ABCC11: variants seen among roughly 807,000 people sequenced by gnomAD.
The protein encoded by ABCC11 is ATP binding cassette subfamily C member 11.
Under a neutral mutation model 149.3 loss-of-function variants are expected in ABCC11, and 135 were observed. The observed-to-expected ratio is 0.90, with a 90% CI of 0.79 to 1.04. The LOEUF (loss-of-function observed/expected upper bound fraction) is 1.04. ABCC11 is among the 50% of genes least tolerant of loss of function. The pLI, the probability that ABCC11 is intolerant of heterozygous loss-of-function variation, is 0.00. For missense variants in ABCC11, 1,680 were observed against 1,722.1 expected (o/e 0.98, Z 0.43); for synonymous variants, 665 against 671.4 (o/e 0.99, Z 0.15).
intron 9 of ABCC11, among the ~76,000 whole-genome samples, chr16:48,214,125 CTTCT>C (rs750172339): frequency 9.2e-5 from 14 of 152,116 alleles, no homozygotes; most frequent in Non-Finnish European, 1.9e-4. Flanking sequence ...CCCATCTCTC[CTTCT>C]TTCTTCTCCT....
chr16:48,173,867 T>C, intron 26 of ABCC11, among the ~76,000 whole-genome samples: 1 of 152,202 alleles, frequency 6.6e-6, no homozygotes, highest in East Asian at 1.9e-4. Flanking sequence ...TCAAGTGATC[T>C]CCCTGCCTTG....
At chr16:48,175,002 G>C in intron 26 of ABCC11, among the ~76,000 whole-genome samples, 1 of 152,130 alleles carries the variant, frequency 6.6e-6, no homozygotes, top group South Asian at 2.1e-4. Context: ...ATGCCATCCA[G>C]TTTCTAAAAA....
intron 13 of ABCC11, among the ~76,000 whole-genome samples, chr16:48,203,666 G>C (rs1481603005): frequency 1.3e-5 from 2 of 152,096 alleles, no homozygotes; most frequent in Non-Finnish European, 2.9e-5. Flanking sequence ...TCAGGAGTTC[G>C]AGACCAGCTT....
intron 1 of ABCC11, among the ~76,000 whole-genome samples, chr16:48,234,676 T>C (rs1247643138): frequency 6.6e-6 from 1 of 152,122 alleles, no homozygotes; most frequent in Non-Finnish European, 1.5e-5. Flanking sequence ...AGAAGTGTCA[T>C]AGTGGACAAC....
Position 48,210,994 on chromosome 16 carries a change from T to C in ABCC11, c.1562A>G (p.Asn521Ser). The change falls in exon 11 of 30, where the codon AAC (asparagine) becomes AGC (serine). Residue 521 changes from asparagine to serine, a missense_variant. Physicochemically the swap from Asn to Ser is conservative, Grantham distance 46 (BLOSUM62 1). Coordinates refer to ENST00000356608, the MANE Select transcript of ABCC11 (RefSeq NM_001370497.1). ...CTTGTGCAACTCTGGGCCCAGGCTG[T>C]TCCCTTCTTCCTCTGGCCCGAGGGC... Reference protein sequence around the residue: ...RDALGPEEEGNSLGPELHKIN... With the variant: ...RDALGPEEEGSSLGPELHKIN... The C allele has an allele frequency of 6.2e-7, 1 of 1,614,052 alleles. No homozygotes were observed. Among genetic ancestry groups the C allele is most frequent in the East Asian group, 2.2e-5 (1 of 44,890 alleles).
Position 48,224,320 on chromosome 16 carries a change from G to A in ABCC11, c.505C>T (p.Leu169=). 6.2e-7 allele frequency: 1 copy of A among 1,614,202 alleles called. No homozygotes were observed. Among genetic ancestry groups the A allele is most frequent in the South Asian group, 1.1e-5 (1 of 91,090 alleles). The change falls in exon 5 of 30, where the codon CTG becomes TTG. Residue 169 remains leucine, a synonymous_variant. Coordinates refer to ENST00000356608, the MANE Select transcript of ABCC11 (RefSeq NM_001370497.1). ...CTGGCAATGCAGAAGCAGATGCCCA[G>A]AAGTGCATCGAAAATCAACCTTGTT... ...QRTRLIFDAL[L]GICFCIASVL...
At chr16:48,232,810 G>A (rs1324460512) in intron 1 of ABCC11, among the ~76,000 whole-genome samples, 1 of 152,192 alleles carries the variant, frequency 6.6e-6, no homozygotes, top group Non-Finnish European at 1.5e-5. Flanking sequence ...TAATAAATTT[G>A]AACAAGAAGA....
At position 48,244,217 on chromosome 16, in the gene ABCC11, T is replaced by G. The variant is rs980742563; in HGVS notation, c.-19+3097A>C. 5.3e-5 allele frequency: 28 copies of G among 525,158 alleles called. 1 individual carries two copies. The highest frequency in any genetic ancestry group is 3.5e-4 in the South Asian group (13 of 37,240). The allele number at this position is 525,158 out of a possible 1,614,324, so 32.5% of individuals were successfully genotyped here. ...GGACGCTCAAGTCTTACCGGGAGGCTCTCCTAGAGAGCAGCGCGAAGCCAT... is the reference window on the plus strand; with the variant it reads ...GGACGCTCAAGTCTTACCGGGAGGCGCTCCTAGAGAGCAGCGCGAAGCCAT... On this transcript the variant is annotated intron_variant, in intron 1 of 29. Transcript: ENST00000356608.
At chr16:48,199,394 T>C (rs900260689) in intron 15 of ABCC11, among the ~76,000 whole-genome samples, 1 of 151,224 alleles carries the variant, frequency 6.6e-6, no homozygotes, top group African/African-American at 2.4e-5. Flanking sequence ...TTAAATATTT[T>C]ATACCAAAAA....
chr16:48,172,345 G>T (rs1413338697), intron 26 of ABCC11, among the ~76,000 whole-genome samples: 1 of 152,086 alleles, frequency 6.6e-6, no homozygotes, highest in African/African-American at 2.4e-5. Context: ...GTACACATAT[G>T]GGTTGAAGTC....
At chr16:48,201,474 CT>C (rs560323114) in intron 14 of ABCC11, among the ~76,000 whole-genome samples, 22,984 of 122,988 alleles carry the variant, frequency 0.19, 1,363 homozygotes, top group Middle Eastern at 0.3. Context: ...TTTTCTTTTT[CT>C]TTTTTTTTTT....
rs535775190 is a variant in ABCC11, at chr16:48,217,755, T to A, written c.778-1468A>T. On this transcript the variant is annotated intron_variant, in intron 6 of 29. Coordinates refer to ENST00000356608, the MANE Select transcript of ABCC11 (RefSeq NM_001370497.1). ...TTCCAGTTTCCAGGACATGCCCTAGTGGGAGCCTTTAAAACATTTAAAAGT... is the reference window on the plus strand; with the variant it reads ...TTCCAGTTTCCAGGACATGCCCTAGAGGGAGCCTTTAAAACATTTAAAAGT... 4.7e-4 allele frequency among the ~76,000 whole-genome samples: 71 copies of A among 152,316 alleles called. No individual in the cohort carries two copies. In the Middle Eastern group the frequency reaches 0.014, roughly 29 times the overall value.
At chr16:48,208,041 CT>C (rs57987133) in intron 12 of ABCC11, among the ~76,000 whole-genome samples, 27 of 148,826 alleles carry the variant, frequency 1.8e-4, no homozygotes, top group East Asian at 9.8e-4. Context: ...TTTTTATGCT[CT>C]TTTTTTTTTA....
intron 1 of ABCC11, among the ~76,000 whole-genome samples, chr16:48,241,499 C>T (rs1244953168): frequency 6.6e-6 from 1 of 152,134 alleles, no homozygotes; most frequent in Non-Finnish European, 1.5e-5. Flanking sequence ...AATGCCATCC[C>T]CATCAAGCTA....
Position 48,227,906 on chromosome 16 carries a change from A to G in ABCC11, c.295T>C (p.Trp99Arg), listed in dbSNP as rs138074011. Residue 99 changes from tryptophan to arginine, a missense_variant, in exon 4 of 30, where the codon TGG becomes CGG. By Grantham distance (101) the Trp-to-Arg change is moderately radical. Transcript: ENST00000356608. The stretch of plus-strand genomic sequence containing the variant: ...CTTTGGATCATGAGCGGGGTGAGCC[A>G]TGACACGGTGAGGTAGGAGAACAGG... ...AGLFSYLTVS[W>R]LTPLMIQSLR... 2 of 1,614,018 alleles carry G rather than the reference A, an allele frequency of 1.2e-6. No homozygotes were observed. Among genetic ancestry groups the G allele is most frequent in the Non-Finnish European group, 1.7e-6 (2 of 1,180,018 alleles).
chr16:48,170,482 G>A (rs1965645577), intron 27 of ABCC11, among the ~76,000 whole-genome samples: 1 of 152,156 alleles, frequency 6.6e-6, no homozygotes, highest in African/African-American at 2.4e-5. Context: ...GCTGCCACCT[G>A]TTTAAAGAGA....
chr16:48,167,591 G>A lies in ABCC11; in HGVS notation c.3961C>T (p.Arg1321Cys), dbSNP rs751630465. The change falls in exon 29 of 30, where the codon CGT (arginine) becomes TGT (cysteine). Residue 1321 changes from arginine to cysteine, a missense_variant. By Grantham distance (180) the Arg-to-Cys change is radical. Transcript: ENST00000356608. ...ACGGTGCAGCCCTGGAAGGCTTCAC[G>A]GATTGTGCGCTGGATCAGGGTGTCT... ...ETDTLIQRTI[R>C]EAFQGCTVLV... is the part of the protein sequence containing the mutation. The A allele has an allele frequency of 1.7e-5, 28 of 1,612,320 alleles. No homozygotes were observed. Among genetic ancestry groups the A allele is most frequent in the East Asian group, 1.3e-4 (6 of 44,716 alleles).
At chr16:48,229,416 A>G (rs958153832) in intron 3 of ABCC11, among the ~76,000 whole-genome samples, 6 of 152,042 alleles carry the variant, frequency 3.9e-5, no homozygotes, top group Non-Finnish European at 7.4e-5. Flanking sequence ...AACATGTTGG[A>G]AATCAACTTG....
In ABCC11 at chr16:48,241,537, A is replaced by G. The variant is rs529760673; in HGVS notation, c.-19+5777T>C. Among the ~76,000 whole-genome samples, 3 of 152,364 alleles carry G rather than the reference A, an allele frequency of 2.0e-5. No homozygotes were observed. In the South Asian group the frequency reaches 6.2e-4, roughly 32 times the overall value. On this transcript the variant is annotated intron_variant, in intron 1 of 29. Coordinates refer to ENST00000356608, the MANE Select transcript of ABCC11 (RefSeq NM_001370497.1). ...AATGACTTTCTTCACAGAATTGGAA[A>G]AAACTACTTTAAAGCTCATATAGAA...
Sources: gnomAD v4.1 joint callset for allele counts (sites outside exome capture counted in the v4.1 genomes callset) on GRCh38, gnomAD v4.1.1 for gene constraint, MANE v1.5 for transcripts, NCBI Gene and HGNC (gene_info 2026-07-23, HGNC 2026-07-21) for gene names.